The following ANK2 variants were observed in gnomAD, a reference collection of about 807,000 sequenced individuals.
The protein encoded by ANK2 is ankyrin-2.
ANK2 carries 83 observed loss-of-function variants against 360.5 expected under a neutral mutation model. That is an observed-to-expected ratio of 0.23 (90% CI 0.19 to 0.28). The LOEUF is 0.28. ANK2 is among the 10% of genes least tolerant of loss of function. The probability of loss-of-function intolerance (pLI) is 1.00; values close to 1 mark genes in which losing one functional copy is unlikely to be tolerated. For missense variants in ANK2, 4,201 were observed against 4,795.7 expected (o/e 0.88, Z 3.66); for synonymous variants, 1,740 against 1,759.5 (o/e 0.99, Z 0.28).
At chr4:112,838,174 T>C (rs2061389860) in intron 1 of ANK2, among the ~76,000 whole-genome samples, 1 of 152,146 alleles carries the variant, frequency 6.6e-6, no homozygotes, top group South Asian at 2.1e-4. Flanking sequence ...TCATGAGAGC[T>C]GATGGTTTTA....
In ANK2 at chr4:113,356,497, G is replaced by C; in HGVS notation, c.7879G>C (p.Asp2627His). ...QEESSSSSDP[D>H]ADCSVDVDEP... is the part of the protein sequence containing the mutation. ...AGAATCTTCTTCATCTTCTGACCCAGATGCTGACTGTTCAGTAGATGTGGA... is the reference window on the plus strand; with the variant it reads ...AGAATCTTCTTCATCTTCTGACCCACATGCTGACTGTTCAGTAGATGTGGA... Residue 2627 changes from aspartate (D) to histidine (H), a missense_variant, in exon 38 of 46, where the codon GAT becomes CAT. Transcript: ENST00000357077. 1 of 1,614,178 alleles carries C rather than the reference G, an allele frequency of 6.2e-7. No individual in the cohort carries two copies. The highest frequency in any genetic ancestry group is 8.5e-7 in the Non-Finnish European group (1 of 1,179,996).
At chr4:113,292,627 C>T in intron 21 of ANK2, 113 bp downstream of exon 21, 1 of 1,161,728 alleles carries the variant, frequency 8.6e-7, no homozygotes, top group African/African-American at 1.5e-5. Context: ...AATAAGCCCC[C>T]TGGACTCTGG....
the ANK2 span, among the ~76,000 whole-genome samples, chr4:112,765,834 C>T: frequency 6.2e-4 from 94 of 152,112 alleles, no homozygotes; most frequent in Non-Finnish European, 1.2e-3. Flanking sequence ...TGACATTTTT[C>T]GTTTGTCACA....
the ANK2 span, among the ~76,000 whole-genome samples, chr4:112,763,563 C>T: frequency 2.1e-5 from 3 of 144,018 alleles, no homozygotes; most frequent in Non-Finnish European, 1.5e-5. Context: ...GTCGGAGTCT[C>T]GCTCTGTTGC....
At chr4:112,876,273 T>G (rs1259959232) in intron 1 of ANK2, among the ~76,000 whole-genome samples, 1 of 152,194 alleles carries the variant, frequency 6.6e-6, no homozygotes, top group Non-Finnish European at 1.5e-5. Flanking sequence ...TAGGAAATCC[T>G]GCTTGGGATT....
rs1411988160 is a variant in ANK2, at chr4:113,356,913, C to T, written c.8295C>T (p.Asp2765=). The T allele has an allele frequency of 1.2e-6, 2 of 1,614,104 alleles. No individual in the cohort carries two copies. Among genetic ancestry groups the T allele is most frequent in the South Asian group, 2.2e-5 (2 of 91,086 alleles). ...GGTCTTATGATAAGCTAAACAGAGA[C>T]ACTGATCAGCCAAAAATCTGTGATG... ...EDRSYDKLNR[D]TDQPKICDGH... The change falls in exon 38 of 46, where the codon GAC becomes GAT. Residue 2765 remains aspartate, a synonymous_variant. Transcript: ENST00000357077.
intron 2 of ANK2, among the ~76,000 whole-genome samples, chr4:113,179,352 CAT>C (rs575760868): frequency 1.5e-4 from 23 of 152,168 alleles, no homozygotes; most frequent in African/African-American, 2.4e-4. Context: ...AAAAATATCA[CAT>C]GTGTTGGCGT....
At chr4:112,743,525 TC>T in the ANK2 span, among the ~76,000 whole-genome samples, 2 of 151,024 alleles carry the variant, frequency 1.3e-5, no homozygotes, top group Non-Finnish European at 3.0e-5. Flanking sequence ...TTCCTTTCTT[TC>T]TTTCTGTCTC....
At position 113,354,604 on chromosome 4, in the gene ANK2, G is replaced by C; in HGVS notation, c.5986G>C (p.Ala1996Pro). The C allele has an allele frequency of 6.2e-7, 1 of 1,613,996 alleles. No individual in the cohort carries two copies. Among genetic ancestry groups the C allele is most frequent in the Non-Finnish European group, 8.5e-7 (1 of 1,179,970 alleles). ...CATGTCTGTTCGGGAGCTGATGAAG[G>C]CTTTCCAGTCAGGTCAGGACCCTTC... ...ETMSVRELMK[A>P]FQSGQDPSKH... The change falls in exon 38 of 46, where the codon GCT (alanine) becomes CCT (proline). Residue 1996 changes from alanine (A) to proline (P), a missense_variant. Ala to Pro is a conservative substitution (Grantham distance 27). Around this residue, in one of 4 missense-constraint regions of ANK2, gnomAD observed 2,642 missense variants for 2,714.5 expected, o/e 0.97. Coordinates refer to ENST00000357077, the MANE Select transcript of ANK2 (RefSeq NM_001148.6).
chr4:113,051,614 A>G (rs983264070), intron 1 of ANK2, among the ~76,000 whole-genome samples: 9 of 152,198 alleles, frequency 5.9e-5, no homozygotes, highest in Non-Finnish European at 1.2e-4. Context: ...TGCTTTTGAA[A>G]AAAATGCTAA....
chr4:113,038,881 C>T (rs962473960), intron 2 of ANK2, among the ~76,000 whole-genome samples: 4 of 152,060 alleles, frequency 2.6e-5, no homozygotes, highest in Admixed American at 2.0e-4. Context: ...AAGGATGCCA[C>T]AGTAGGAGTA....
At chr4:113,326,230 A>G (rs1352399714) in intron 26 of ANK2, among the ~76,000 whole-genome samples, 1 of 152,078 alleles carries the variant, frequency 6.6e-6, no homozygotes, top group African/African-American at 2.4e-5. Context: ...ACTTTTGGGT[A>G]TTCTAATATT....
chr4:112,834,943 T>C (rs1027763456), intron 1 of ANK2, among the ~76,000 whole-genome samples: 3 of 152,258 alleles, frequency 2.0e-5, no homozygotes, highest in Non-Finnish European at 4.4e-5. Flanking sequence ...CTTGTTCCTC[T>C]ATCCCTTATA....
At chr4:112,758,361 G>T in the ANK2 span, among the ~76,000 whole-genome samples, 1 of 152,146 alleles carries the variant, frequency 6.6e-6, no homozygotes, top group East Asian at 1.9e-4. Context: ...CTTTCAGCAG[G>T]AGTAGATGAG....
intron 10 of ANK2, among the ~76,000 whole-genome samples, chr4:113,253,928 A>G (rs187068793): frequency 7.7e-4 from 117 of 152,158 alleles, no homozygotes; most frequent in Non-Finnish European, 1.5e-3. Flanking sequence ...TCCTCCCCTT[A>G]TCCATCCTCC....
chr4:112,785,079 C>T, the ANK2 span, among the ~76,000 whole-genome samples: 1 of 152,160 alleles, frequency 6.6e-6, no homozygotes, highest in Admixed American at 6.5e-5. Flanking sequence ...CACTTTAATG[C>T]AGCTTTGGTG....
At chr4:112,803,677 A>C in the ANK2 span, among the ~76,000 whole-genome samples, 1 of 152,214 alleles carries the variant, frequency 6.6e-6, no homozygotes, top group Admixed American at 6.5e-5. Context: ...TGGAACATAC[A>C]TACACTAAAA....
intron 1 of ANK2, among the ~76,000 whole-genome samples, chr4:112,835,162 T>G (rs1278288375): frequency 1.3e-5 from 2 of 152,226 alleles, no homozygotes; most frequent in Admixed American, 1.3e-4. Flanking sequence ...ATGCAGTGAT[T>G]ATTAATGACT....
intron 37 of ANK2, 48 bp from the exon 38 acceptor site, chr4:113,352,997 C>A (rs775960380): frequency 1.3e-6 from 2 of 1,596,184 alleles, no homozygotes; most frequent in Admixed American, 1.7e-5. Flanking sequence ...TTGCCAATAT[C>A]TTTTTTGATT....
Sources: gnomAD v4.1 joint callset for allele counts (sites outside exome capture counted in the v4.1 genomes callset) on GRCh38, gnomAD v4.1.1 for gene constraint, gnomAD v4.1.1 regional missense constraint, MANE v1.5 for transcripts, NCBI Gene and HGNC (gene_info 2026-07-23, HGNC 2026-07-21) for gene names.